DGLUCY: variants seen among roughly 807,000 people sequenced by gnomAD.
DGLUCY encodes the protein D-glutamate cyclase, mitochondrial.
DGLUCY carries 58 observed loss-of-function variants against 58.5 expected under a neutral mutation model. The observed-to-expected ratio is 0.99, with a 90% confidence interval of 0.80 to 1.23. DGLUCY has a LOEUF of 1.23. DGLUCY is among the 50% of genes most tolerant of loss of function. The pLI, the probability that DGLUCY is intolerant of heterozygous loss-of-function variation, is 0.00. For missense variants in DGLUCY, 779 were observed against 784.7 expected (o/e 0.99, Z 0.09); for synonymous variants, 325 against 314.1 (o/e 1.03, Z -0.37).
At chr14:91,181,641 CTTTCTTTCTTTTGT>C (rs1228631893) in intron 8 of DGLUCY, among the ~76,000 whole-genome samples, 1 of 134,436 alleles carries the variant, frequency 7.4e-6, no homozygotes, top group Non-Finnish European at 1.7e-5. Context: ...CTTTCTTTCT[CTTTCTTTCTTTTGT>C]TTTCTTTCTT....
At chr14:91,165,189 CT>C (rs1227074763) in intron 3 of DGLUCY, 1 of 455,458 alleles carries the variant, frequency 2.2e-6, no homozygotes, top group Non-Finnish European at 4.4e-6. Context: ...TAACAAACAT[CT>C]TTTAACATAA....
intron 1 of DGLUCY, among the ~76,000 whole-genome samples, chr14:91,064,256 A>T: frequency 6.6e-6 from 1 of 152,166 alleles, no homozygotes; most frequent in East Asian, 1.9e-4. Flanking sequence ...AGAGCTCTGA[A>T]GAGAGGTCTA....
rs59683770 is a variant in DGLUCY at position 91,182,898 on chromosome 14, G to GTTATTTTATTTTATT, written c.934+1522_934+1536dup. 6.6e-3 allele frequency among the ~76,000 whole-genome samples: 990 copies of GTTATTTTATTTTATT among 149,570 alleles called. 10 individuals carry two copies. The highest frequency in any genetic ancestry group is 0.021 in the African/African-American group (872 of 40,644). On this transcript the variant is annotated intron_variant, in intron 8 of 13. Coordinates refer to ENST00000256324, the MANE Select transcript of DGLUCY (RefSeq NM_001102368.3). ...CTAGGGGACCTGCTGATTCCAATTA[G>GTTATTTTATTTTATT]TTATTTTATTTTATTTTATTTTATT...
chr14:91,184,360 GTAGAGAGATCC>G (rs2049357458), intron 8 of DGLUCY, among the ~76,000 whole-genome samples: 1 of 151,478 alleles, frequency 6.6e-6, no homozygotes, highest in Non-Finnish European at 1.5e-5. Flanking sequence ...CCTGGCCAAT[GTAGAGAGATCC>G]TATCTCTAGA....
chr14:91,187,879 C>T (rs970431887), intron 8 of DGLUCY, among the ~76,000 whole-genome samples: 1 of 152,154 alleles, frequency 6.6e-6, no homozygotes, highest in African/African-American at 2.4e-5. Flanking sequence ...CATCTTCTCA[C>T]TTGCATTTCC....
At chr14:91,131,724 T>C (rs1288702835) in intron 1 of DGLUCY, among the ~76,000 whole-genome samples, 4 of 152,248 alleles carry the variant, frequency 2.6e-5, no homozygotes, top group African/African-American at 4.8e-5. Context: ...CCTTCATATT[T>C]CGTACTTCAT....
upstream of DGLUCY, among the ~76,000 whole-genome samples, chr14:91,113,315 A>G (rs1057216639): frequency 1.3e-5 from 2 of 152,114 alleles, no homozygotes; most frequent in Non-Finnish European, 2.9e-5. Flanking sequence ...AACAACAACA[A>G]TAAAAGTTAT....
chr14:91,063,031 T>C (rs2043758842), intron 1 of DGLUCY, among the ~76,000 whole-genome samples: 1 of 152,150 alleles, frequency 6.6e-6, no homozygotes, highest in African/African-American at 2.4e-5. Flanking sequence ...TAAAGAAATA[T>C]AAACTTTCCA....
intron 11 of DGLUCY, among the ~76,000 whole-genome samples, chr14:91,202,313 G>T (rs1307856566): frequency 6.6e-6 from 1 of 152,080 alleles, no homozygotes; most frequent in Admixed American, 6.6e-5. Flanking sequence ...TTGCGGAAAG[G>T]CTTAGTGTAA....
At chr14:91,154,167 A>G (rs1428752370) in intron 1 of DGLUCY, among the ~76,000 whole-genome samples, 1 of 152,168 alleles carries the variant, frequency 6.6e-6, no homozygotes, top group Non-Finnish European at 1.5e-5. Flanking sequence ...TGGCCTCCCA[A>G]AGTGCTGGGA....
intron 12 of DGLUCY, among the ~76,000 whole-genome samples, chr14:91,209,395 A>G (rs984486196): frequency 1.3e-5 from 2 of 152,056 alleles, no homozygotes; most frequent in Admixed American, 1.3e-4. Flanking sequence ...ATAAATGTCA[A>G]TGCCACAGTG....
At chr14:91,079,087 A>G (rs935972826) in intron 1 of DGLUCY, among the ~76,000 whole-genome samples, 1 of 151,640 alleles carries the variant, frequency 6.6e-6, no homozygotes, top group Non-Finnish European at 1.5e-5. Context: ...TATTTTTAGT[A>G]GAGACGGTGT....
chr14:91,218,787 G>A (rs1194170721), intron 13 of DGLUCY, among the ~76,000 whole-genome samples: 2 of 152,114 alleles, frequency 1.3e-5, no homozygotes, highest in African/African-American at 2.4e-5. Flanking sequence ...TTGCTCTAGG[G>A]GACAATGAGG....
chr14:91,217,362 C>A (rs947149425), intron 13 of DGLUCY, among the ~76,000 whole-genome samples: 5 of 151,840 alleles, frequency 3.3e-5, no homozygotes, highest in African/African-American at 1.2e-4. Context: ...GTCCTGAGCA[C>A]TGAGCCTGCA....
chr14:91,081,201 TCAAAAAAAAAA>T (rs2140047010), intron 1 of DGLUCY, among the ~76,000 whole-genome samples: 1 of 130,924 alleles, frequency 7.6e-6, no homozygotes, highest in East Asian at 2.0e-4. Context: ...AGACTCCGTC[TCAAAAAAAAAA>T]CAAAAAAAAA....
upstream of DGLUCY, among the ~76,000 whole-genome samples, chr14:91,111,136 G>C (rs1196488636): frequency 2.6e-5 from 4 of 151,858 alleles, no homozygotes; most frequent in East Asian, 7.7e-4. Context: ...AGATTGGGAA[G>C]TCCAGGATCA....
intron 4 of DGLUCY, among the ~76,000 whole-genome samples, chr14:91,169,009 C>T (rs903735049): frequency 6.6e-6 from 1 of 151,950 alleles, no homozygotes; most frequent in Non-Finnish European, 1.5e-5. Context: ...ATCACTTGAA[C>T]CTGGGAGGCA....
chr14:91,112,996 TAAAA>T (rs10715930), upstream of DGLUCY, among the ~76,000 whole-genome samples: 25 of 70,194 alleles, frequency 3.6e-4, no homozygotes, highest in South Asian at 1.2e-3. Context: ...AGACTACATC[TAAAA>T]AAAAAAAAAA....
At chr14:91,159,392 A>G (rs2140340776) in intron 2 of DGLUCY, among the ~76,000 whole-genome samples, 1 of 152,286 alleles carries the variant, frequency 6.6e-6, no homozygotes, top group African/African-American at 2.4e-5. Flanking sequence ...AGTTGCACTG[A>G]GCTGAGATTG....
Sources: gnomAD v4.1 joint callset for allele counts (sites outside exome capture counted in the v4.1 genomes callset) on GRCh38, gnomAD v4.1.1 for gene constraint, MANE v1.5 for transcripts, NCBI Gene and HGNC (gene_info 2026-07-23, HGNC 2026-07-21) for gene names.